KCNT2: variants seen among roughly 807,000 people sequenced by gnomAD.
KCNT2 encodes the protein potassium sodium-activated channel subfamily T member 2.
In KCNT2, 67 loss-of-function variants were observed where a neutral mutation model predicts 153.8. The observed-to-expected ratio is 0.44, with a 90% confidence interval of 0.36 to 0.53. The LOEUF (loss-of-function observed/expected upper bound fraction) is 0.53, where lower values mean the gene tolerates loss of function less well. KCNT2 is among the 20% of genes least tolerant of loss of function. The pLI is 0.00. For synonymous variants in KCNT2, 500 were observed against 458.8 expected (o/e 1.09, Z -1.15); for missense variants, 975 against 1,354.8 (o/e 0.72, Z 4.40).
At position 196,522,226 on chromosome 1, in the gene KCNT2, C is replaced by A. The variant is rs6697795; in HGVS notation, c.96-29885G>T. Among the ~76,000 whole-genome samples the A allele has an allele frequency of 8.6e-4, 130 of 151,426 alleles. 1 individual carries two copies. The highest frequency in any genetic ancestry group is 2.9e-3 in the African/African-American group (120 of 40,868). On this transcript the variant is annotated intron_variant, in intron 1 of 27. Transcript: ENST00000294725. Reference sequence around the variant, plus strand: ...TGTATCCTAGATTGCTTGTAAACTTCTTTATGTTAACAAAAATTAAAGATT... The same window carrying A: ...TGTATCCTAGATTGCTTGTAAACTTATTTATGTTAACAAAAATTAAAGATT...
intron 14 of KCNT2, among the ~76,000 whole-genome samples, chr1:196,364,379 CA>C (rs1667873051): frequency 6.6e-6 from 1 of 152,040 alleles, no homozygotes; most frequent in African/African-American, 2.4e-5. Context: ...AACACCCATC[CA>C]AAAACAATAA....
chr1:196,559,637 T>C (rs543859192), intron 1 of KCNT2, among the ~76,000 whole-genome samples: 1 of 151,982 alleles, frequency 6.6e-6, no homozygotes, highest in South Asian at 2.1e-4. Context: ...TTTTACTATA[T>C]CCTCTTTCAC....
At chr1:196,315,650 C>T (rs1231423661) in intron 21 of KCNT2, among the ~76,000 whole-genome samples, 1 of 151,656 alleles carries the variant, frequency 6.6e-6, no homozygotes, top group East Asian at 1.9e-4. Flanking sequence ...TACTGTTAAA[C>T]TATCTGAGAA....
chr1:196,500,929 G>A (rs1407762364), intron 1 of KCNT2, among the ~76,000 whole-genome samples: 1 of 152,072 alleles, frequency 6.6e-6, no homozygotes, highest in African/African-American at 2.4e-5. Context: ...ACAAATGTAT[G>A]CAGCCACAAA....
chr1:196,518,833 A>C (rs921825222), intron 1 of KCNT2, among the ~76,000 whole-genome samples: 3 of 152,162 alleles, frequency 2.0e-5, no homozygotes, highest in African/African-American at 7.2e-5. Flanking sequence ...ACTTCCACAA[A>C]ATAATAGCGG....
chr1:196,352,307 A>C (rs1338216557), intron 14 of KCNT2, among the ~76,000 whole-genome samples: 1 of 152,082 alleles, frequency 6.6e-6, no homozygotes, highest in East Asian at 1.9e-4. Context: ...TACCTCTGGT[A>C]GAATTCAGCT....
In KCNT2 at chr1:196,390,488, A is replaced by G. The variant is rs866489875; in HGVS notation, c.1294+8075T>C. On this transcript the variant is annotated intron_variant, in intron 13 of 27. Transcript: ENST00000294725. ...AGAAAATATATGGAATGTTTTACGT[A>G]TATGTTCTCACTCCCCATTTCCATT... Among the ~76,000 whole-genome samples, 31 of 151,608 alleles carry G rather than the reference A, an allele frequency of 2.0e-4. 1 individual carries two copies. Among genetic ancestry groups the G allele is most frequent in the African/African-American group, 4.1e-4 (17 of 41,480 alleles).
At chr1:196,409,775 C>T (rs369203786) in intron 12 of KCNT2, among the ~76,000 whole-genome samples, 14 of 151,600 alleles carry the variant, frequency 9.2e-5, no homozygotes, top group East Asian at 3.9e-4. Flanking sequence ...ACAGACATCT[C>T]TTTCGCATGT....
intron 14 of KCNT2, among the ~76,000 whole-genome samples, chr1:196,363,669 G>A (rs759510479): frequency 2.4e-4 from 36 of 152,016 alleles, no homozygotes; most frequent in Admixed American, 1.2e-3. Flanking sequence ...TACTGTCTTG[G>A]CCTTCTGCCT....
At chr1:196,383,735 A>G (rs896251276) in intron 13 of KCNT2, among the ~76,000 whole-genome samples, 2 of 152,174 alleles carry the variant, frequency 1.3e-5, no homozygotes, top group Non-Finnish European at 2.9e-5. Context: ...TGAATCACGC[A>G]TTCTATGAAG....
intron 18 of KCNT2, 68 bp from the exon 19 acceptor site, chr1:196,326,957 G>C (rs1663922300): frequency 1.2e-6 from 1 of 839,108 alleles, no homozygotes; most frequent in African/African-American, 1.8e-5. Flanking sequence ...GAAAATTTAA[G>C]CTATAGGAAA....
chr1:196,390,816 A>T (rs887144012), intron 13 of KCNT2, among the ~76,000 whole-genome samples: 1 of 150,536 alleles, frequency 6.6e-6, no homozygotes, highest in African/African-American at 2.4e-5. Context: ...TGAGGTAATG[A>T]TAGTTTTAAC....
chr1:196,343,526 T>C (rs1303186497), intron 14 of KCNT2, among the ~76,000 whole-genome samples: 2 of 152,184 alleles, frequency 1.3e-5, no homozygotes, highest in Non-Finnish European at 2.9e-5. Flanking sequence ...ATTACAACCA[T>C]GTTTAGGACT....
At position 196,539,119 on chromosome 1, in the gene KCNT2, T is replaced by C. The variant is rs538438057; in HGVS notation, c.96-46778A>G. On this transcript the variant is annotated intron_variant, in intron 1 of 27. Coordinates refer to ENST00000294725, the MANE Select transcript of KCNT2 (RefSeq NM_198503.5). ...ATGAACACAAAAAATAAAAAATGAA[T>C]ACATTTTAATGAAATTATTCATGAT... is the stretch of plus-strand genomic sequence containing the variant. Among the ~76,000 whole-genome samples, 4 of 152,326 alleles carry C rather than the reference T, an allele frequency of 2.6e-5. No homozygotes were observed. In the South Asian group the frequency reaches 6.2e-4, roughly 24 times the overall value.
intron 5 of KCNT2, among the ~76,000 whole-genome samples, chr1:196,475,292 C>G (rs12742650): frequency 6.6e-6 from 1 of 152,056 alleles, no homozygotes; most frequent in African/African-American, 2.4e-5. Flanking sequence ...ATATCCATTT[C>G]TGTGTGTCTG....
At chr1:196,567,726 G>C (rs1660279659) in intron 1 of KCNT2, among the ~76,000 whole-genome samples, 1 of 152,188 alleles carries the variant, frequency 6.6e-6, no homozygotes, top group Admixed American at 6.5e-5. Flanking sequence ...GATAAAGGTG[G>C]TGAAGGACGG....
rs141452013 is a variant in KCNT2 at position 196,442,182 on chromosome 1, G to A, written c.639-12425C>T. On this transcript the variant is annotated intron_variant, in intron 8 of 27. Transcript: ENST00000294725. ...AAAGCTATTATAAAATTATTTTCACGTTTTTAGAACAAAATCACATAAGAC... is the reference window on the plus strand; with the variant it reads ...AAAGCTATTATAAAATTATTTTCACATTTTTAGAACAAAATCACATAAGAC... Among the ~76,000 whole-genome samples the A allele has an allele frequency of 5.5e-4, 84 of 151,816 alleles. 2 individuals carry two copies. In the East Asian group the frequency reaches 0.015, roughly 27 times the overall value.
At chr1:196,359,024 T>G (rs1667404411) in intron 14 of KCNT2, among the ~76,000 whole-genome samples, 1 of 151,974 alleles carries the variant, frequency 6.6e-6, no homozygotes, top group Non-Finnish European at 1.5e-5. Flanking sequence ...AGCTCCAAAT[T>G]ATCTGCTAAG....
chr1:196,390,909 A>G (rs946753), intron 13 of KCNT2, among the ~76,000 whole-genome samples: 1 of 110,964 alleles, frequency 9.0e-6, no homozygotes. Context: ...TTTTTTTTTT[A>G]AAAAAAAACA....
Sources: allele counts gnomAD v4.1 joint callset (sites outside exome capture counted in the v4.1 genomes callset), GRCh38; gene constraint gnomAD v4.1.1; transcripts MANE v1.5; gene names NCBI Gene and HGNC (gene_info 2026-07-23, HGNC 2026-07-21).